The following TNFSF4 variants were observed in gnomAD, a reference collection of about 807,000 sequenced individuals.
TNFSF4 encodes the protein tumor necrosis factor ligand superfamily member 4.
A neutral mutation model predicts 7.3 loss-of-function variants in TNFSF4; 4 were observed. The ratio of observed to expected loss-of-function variants is 0.55; its 90% CI spans 0.27 to 1.25. TNFSF4 has a LOEUF of 1.25. TNFSF4 is among the 50% of genes most tolerant of loss of function. The probability of loss-of-function intolerance (pLI) is 0.12; values close to 1 mark genes in which losing one functional copy is unlikely to be tolerated. For missense variants in TNFSF4, 181 were observed against 208.8 expected (o/e 0.87, Z 0.82); for synonymous variants, 76 against 83.7 (o/e 0.91, Z 0.50).
intron 1 of TNFSF4, among the ~76,000 whole-genome samples, chr1:173,196,014 G>C (rs1372173080): frequency 6.6e-6 from 1 of 152,102 alleles, no homozygotes; most frequent in Non-Finnish European, 1.5e-5. Context: ...AAGCTCTCAG[G>C]GTGTGTCTCA....
the TNFSF4 span, among the ~76,000 whole-genome samples, chr1:173,264,568 T>TA: frequency 6.6e-6 from 1 of 152,224 alleles, no homozygotes; most frequent in Non-Finnish European, 1.5e-5. Flanking sequence ...TAGTAGAGGC[T>TA]ACTTGTGCAA....
the TNFSF4 span, among the ~76,000 whole-genome samples, chr1:173,279,564 C>T: frequency 7.9e-5 from 12 of 152,110 alleles, no homozygotes; most frequent in Non-Finnish European, 1.3e-4. Context: ...CAAAACTGAA[C>T]TCACCATGTC....
chr1:173,449,247 G>A, the TNFSF4 span, among the ~76,000 whole-genome samples: 1 of 152,128 alleles, frequency 6.6e-6, no homozygotes, highest in African/African-American at 2.4e-5. Context: ...TGAAGCTGAT[G>A]CCAGAGCTGT....
the TNFSF4 span, among the ~76,000 whole-genome samples, chr1:173,285,071 C>A: frequency 6.6e-6 from 1 of 152,276 alleles, no homozygotes; most frequent in East Asian, 1.9e-4. Context: ...ATTCACTATT[C>A]TAGACACCAT....
At chr1:173,209,432 A>G (rs1210013777), upstream of TNFSF4, among the ~76,000 whole-genome samples, 1 of 152,202 alleles carries the variant, frequency 6.6e-6, no homozygotes, top group East Asian at 1.9e-4. Flanking sequence ...AACGTTTTTC[A>G]AAAAATAAAG....
At chr1:173,373,532 C>G in the TNFSF4 span, among the ~76,000 whole-genome samples, 1 of 152,212 alleles carries the variant, frequency 6.6e-6, no homozygotes, top group Admixed American at 6.5e-5. Context: ...AGACCCTCCA[C>G]CAAACTTTTC....
chr1:173,371,629 G>A, the TNFSF4 span, among the ~76,000 whole-genome samples: 6 of 152,260 alleles, frequency 3.9e-5, no homozygotes, highest in East Asian at 9.6e-4. Context: ...AACAGTCCCT[G>A]CCACACCCCA....
chr1:173,298,715 T>C, the TNFSF4 span, among the ~76,000 whole-genome samples: 1 of 151,948 alleles, frequency 6.6e-6, no homozygotes, highest in East Asian at 1.9e-4. Context: ...GCATTTTGTT[T>C]GTTACTGTGC....
chr1:173,341,797 T>A, the TNFSF4 span, among the ~76,000 whole-genome samples: 24 of 152,298 alleles, frequency 1.6e-4, no homozygotes, highest in African/African-American at 5.5e-4. Flanking sequence ...GATTTTTCCA[T>A]TCTGGTGAAA....
the TNFSF4 span, among the ~76,000 whole-genome samples, chr1:173,364,793 A>T: frequency 6.6e-6 from 1 of 152,166 alleles, no homozygotes; most frequent in Admixed American, 6.6e-5. Flanking sequence ...GTTCAAGGGG[A>T]TCTAAATGTC....
At chr1:173,448,382 A>C in the TNFSF4 span, among the ~76,000 whole-genome samples, 1 of 152,204 alleles carries the variant, frequency 6.6e-6, no homozygotes, top group South Asian at 2.1e-4. Flanking sequence ...ACTTTCACAA[A>C]TTTGGAATAA....
chr1:173,281,441 G>A, the TNFSF4 span, among the ~76,000 whole-genome samples: 1 of 152,088 alleles, frequency 6.6e-6, no homozygotes, highest in Non-Finnish European at 1.5e-5. Flanking sequence ...GCAAGAACAT[G>A]GGAATCAGGC....
the TNFSF4 span, among the ~76,000 whole-genome samples, chr1:173,373,496 C>G: frequency 8.5e-5 from 13 of 152,286 alleles, no homozygotes; most frequent in South Asian, 2.7e-3. Context: ...TACTCATACC[C>G]CAAGCCAGCC....
chr1:173,258,839 G>A, the TNFSF4 span, among the ~76,000 whole-genome samples: 3 of 152,120 alleles, frequency 2.0e-5, no homozygotes, highest in South Asian at 6.2e-4. Flanking sequence ...TATGGACAGA[G>A]GACAGAACTC....
chr1:173,412,860 G>A, the TNFSF4 span, among the ~76,000 whole-genome samples: 1 of 152,158 alleles, frequency 6.6e-6, no homozygotes, highest in Non-Finnish European at 1.5e-5. Context: ...CGGATTTTAT[G>A]TAAAATTCAT....
At chr1:173,323,518 A>G in the TNFSF4 span, among the ~76,000 whole-genome samples, 1 of 152,228 alleles carries the variant, frequency 6.6e-6, no homozygotes, top group Non-Finnish European at 1.5e-5. Flanking sequence ...ACAGAGAATG[A>G]CTTTGACGAG....
the TNFSF4 span, among the ~76,000 whole-genome samples, chr1:173,251,570 GA>G: frequency 6.6e-6 from 1 of 152,182 alleles, no homozygotes; most frequent in Non-Finnish European, 1.5e-5. Context: ...GGTATGTGAG[GA>G]AGACATGGTT....
the TNFSF4 span, among the ~76,000 whole-genome samples, chr1:173,382,926 T>C: frequency 4.0e-4 from 60 of 150,706 alleles, no homozygotes; most frequent in African/African-American, 1.4e-3. Flanking sequence ...GCGTCAAAAC[T>C]AAGAAGTGAG....
At chr1:173,229,811 C>T in the TNFSF4 span, among the ~76,000 whole-genome samples, 12 of 151,800 alleles carry the variant, frequency 7.9e-5, no homozygotes, top group East Asian at 1.9e-4. Context: ...GACTTTAAAC[C>T]GACAAAGATC....
Sources: gnomAD v4.1 joint callset for allele counts (sites outside exome capture counted in the v4.1 genomes callset) on GRCh38, gnomAD v4.1.1 for gene constraint, MANE v1.5 for transcripts, NCBI Gene and HGNC (gene_info 2026-07-23, HGNC 2026-07-21) for gene names.